Variants in KCNIP4 observed in about 807,000 individuals in gnomAD.
KCNIP4 encodes the protein potassium voltage-gated channel interacting protein 4, also known as Kv channel-interacting protein 4.
A neutral mutation model predicts 34.0 loss-of-function variants in KCNIP4; 12 were observed. The observed-to-expected ratio is 0.35, with a 90% CI of 0.23 to 0.57. KCNIP4 has a LOEUF of 0.57. Among genes scored for constraint, KCNIP4 ranks in the 20% least tolerant of loss-of-function variants. The pLI, the probability that KCNIP4 is intolerant of heterozygous loss-of-function variation, is 0.83. For missense variants in KCNIP4, 238 were observed against 311.7 expected, an observed-to-expected ratio of 0.76 and a Z score of 1.78; for synonymous variants, 124 against 102.2, an observed-to-expected ratio of 1.21 and a Z score of -1.29.
intron 3 of KCNIP4, among the ~76,000 whole-genome samples, chr4:20,819,627 G>C (rs544700857): frequency 1.3e-5 from 2 of 152,342 alleles, no homozygotes; most frequent in African/African-American, 4.8e-5. Context: ...AAATTCATAT[G>C]TTGGACCTGA....
intron 1 of KCNIP4, among the ~76,000 whole-genome samples, chr4:21,609,151 AC>A (rs1342879819): frequency 2.0e-5 from 3 of 152,220 alleles, no homozygotes; most frequent in African/African-American, 4.8e-5. Flanking sequence ...AATAGGAAGA[AC>A]AGGAATGGAT....
intron 1 of KCNIP4, among the ~76,000 whole-genome samples, chr4:20,946,173 CAT>C (rs1159002567): frequency 1.3e-5 from 2 of 152,084 alleles, no homozygotes; most frequent in Non-Finnish European, 2.9e-5. Flanking sequence ...GAAAAGCAAA[CAT>C]ATGTCCAGGA....
chr4:21,945,316 A>G (rs967845960), intron 1 of KCNIP4, among the ~76,000 whole-genome samples: 2 of 152,172 alleles, frequency 1.3e-5, no homozygotes, highest in African/African-American at 4.8e-5. Context: ...AGGCCTGGGG[A>G]GAGAGGGTGG....
At chr4:21,144,735 C>A (rs2043383) in intron 1 of KCNIP4, among the ~76,000 whole-genome samples, 57,117 of 152,050 alleles carry the variant, frequency 0.38, 11,156 homozygotes, top group African/African-American at 0.49. Context: ...TATTTTCCTC[C>A]TCAGTCAAGT....
chr4:21,832,862 T>C (rs1320154541), intron 1 of KCNIP4, among the ~76,000 whole-genome samples: 3 of 151,220 alleles, frequency 2.0e-5, no homozygotes, highest in Non-Finnish European at 4.4e-5. Context: ...GTTCTTGCGA[T>C]ACTTTACTGA....
intron 1 of KCNIP4, among the ~76,000 whole-genome samples, chr4:21,140,798 T>G (rs1751892292): frequency 6.6e-6 from 1 of 152,140 alleles, no homozygotes. Flanking sequence ...TCAGGTTGGT[T>G]GCCAAGGTTG....
intron 1 of KCNIP4, among the ~76,000 whole-genome samples, chr4:21,871,253 C>G (rs1335265280): frequency 1.0e-4 from 12 of 119,610 alleles, no homozygotes; most frequent in Non-Finnish European, 2.1e-4. Flanking sequence ...CCTCCCCCCT[C>G]CCCGCTCCCC....
intron 1 of KCNIP4, among the ~76,000 whole-genome samples, chr4:21,282,212 T>C (rs181467462): frequency 3.7e-4 from 56 of 152,372 alleles, no homozygotes; most frequent in Non-Finnish European, 7.1e-4. Context: ...ATTTAATTTA[T>C]ATGTTATTTG....
Position 21,530,167 on chromosome 4 carries a change from G to A in KCNIP4, c.61+418404C>T, listed in dbSNP as rs933047744. On this transcript the variant is annotated intron_variant, in intron 1 of 8. Transcript: ENST00000382152. ...GTTTCTTAACCTCAATTTGTATGAA[G>A]CACTAAGATATTTCAATGAATATTC... 2.6e-5 allele frequency among the ~76,000 whole-genome samples: 4 copies of A among 152,066 alleles called. No individual in the cohort carries two copies. In the East Asian group the frequency reaches 7.7e-4, roughly 29 times the overall value.
In KCNIP4 at chr4:21,861,751, A is replaced by T. The variant is rs965705466; in HGVS notation, c.61+86820T>A. Among the ~76,000 whole-genome samples, 4 of 151,824 alleles carry T rather than the reference A, an allele frequency of 2.6e-5. No individual in the cohort carries two copies. The South Asian group carries it at 8.3e-4, about 32-fold the overall frequency. On this transcript the variant is annotated intron_variant, in intron 1 of 8. Coordinates refer to ENST00000382152, the MANE Select transcript of KCNIP4 (RefSeq NM_025221.6). ...GCCTCTGTCTCACACCTGGACTCACACAGTGGCCACCGACCATTGTTCTTT... is the reference window on the plus strand; with the variant it reads ...GCCTCTGTCTCACACCTGGACTCACTCAGTGGCCACCGACCATTGTTCTTT...
chr4:20,935,365 G>T (rs1730958473), intron 1 of KCNIP4, among the ~76,000 whole-genome samples: 1 of 152,082 alleles, frequency 6.6e-6, no homozygotes, highest in Non-Finnish European at 1.5e-5. Flanking sequence ...CTTAAAACCA[G>T]CTTCCAAGCG....
chr4:21,468,086 T>C (rs952688889), intron 1 of KCNIP4, among the ~76,000 whole-genome samples: 3 of 152,142 alleles, frequency 2.0e-5, no homozygotes, highest in Admixed American at 6.6e-5. Context: ...TGGAGAAATA[T>C]AGGGGTAGGT....
chr4:21,400,890 G>A (rs1723500807), intron 1 of KCNIP4, among the ~76,000 whole-genome samples: 2 of 152,160 alleles, frequency 1.3e-5, no homozygotes, highest in Admixed American at 6.5e-5. Context: ...GCTCAGCATG[G>A]TTGCTCGTGC....
rs555886289 is a variant in KCNIP4, at chr4:21,170,644, T to C, written c.62-287935A>G. 3.8e-4 allele frequency among the ~76,000 whole-genome samples: 58 copies of C among 152,316 alleles called. No individual in the cohort carries two copies. The South Asian group carries it at 7.3e-3, about 19-fold the overall frequency. On this transcript the variant is annotated intron_variant, in intron 1 of 8. Coordinates refer to ENST00000382152, the MANE Select transcript of KCNIP4 (RefSeq NM_025221.6). ...ATAGAGAAACCTGAATTGAATTACA[T>C]TGTGATTGCTCAGTATTATATCACA...
At chr4:21,714,871 T>C (rs368884097) in intron 1 of KCNIP4, among the ~76,000 whole-genome samples, 360 of 900 alleles carry the variant, frequency 0.4, 14 homozygotes, top group Middle Eastern at 0.5. Flanking sequence ...TTTATTTTAT[T>C]TTATTTTATT....
chr4:21,029,112 G>C lies in KCNIP4; in HGVS notation c.62-146403C>G, dbSNP rs74617241. On this transcript the variant is annotated intron_variant, in intron 1 of 8. Transcript: ENST00000382152. ...ATAGATTTGACTTAATTATCTATAC[G>C]TTTAAAATGTAAATGCAGCCTTTCT... Among the ~76,000 whole-genome samples the C allele has an allele frequency of 3.6e-3, 548 of 152,160 alleles. 1 individual carries two copies. The highest frequency in any genetic ancestry group is 0.013 in the African/African-American group (536 of 41,520).
chr4:20,845,090 T>G (rs74769606), intron 3 of KCNIP4, among the ~76,000 whole-genome samples: 12,103 of 152,174 alleles, frequency 0.08, 624 homozygotes, highest in South Asian at 0.17. Flanking sequence ...TGACCCCCAG[T>G]GAGTCACACC....
At chr4:20,963,819 C>T (rs1054760889) in intron 1 of KCNIP4, among the ~76,000 whole-genome samples, 2 of 151,996 alleles carry the variant, frequency 1.3e-5, no homozygotes, top group Admixed American at 1.3e-4. Flanking sequence ...ATGGTGAGAG[C>T]GCTGGAGTAG....
chr4:21,537,561 A>T (rs1737296054), intron 1 of KCNIP4, among the ~76,000 whole-genome samples: 1 of 152,188 alleles, frequency 6.6e-6, no homozygotes, highest in African/African-American at 2.4e-5. Flanking sequence ...TACTGGGTTG[A>T]ATAGTGTTCC....
Sources: allele counts gnomAD v4.1 joint callset (sites outside exome capture counted in the v4.1 genomes callset), GRCh38; gene constraint gnomAD v4.1.1; transcripts MANE v1.5; gene names NCBI Gene and HGNC (gene_info 2026-07-23, HGNC 2026-07-21).